The following DCLK1 variants were observed in gnomAD, a reference collection of about 807,000 sequenced individuals.
The protein encoded by DCLK1 is serine/threonine-protein kinase DCLK1.
DCLK1 carries 16 observed loss-of-function variants against 86.2 expected under a neutral mutation model. That is an observed-to-expected ratio of 0.19 (90% CI 0.13 to 0.28). DCLK1 has a LOEUF of 0.28. Among genes scored for constraint, DCLK1 ranks in the 10% least tolerant of loss-of-function variants. The pLI is 1.00. For synonymous variants in DCLK1, 369 were observed against 370.5 expected (o/e 1.00, Z 0.05); for missense variants, 590 against 940.2 (o/e 0.63, Z 4.87).
At chr13:36,098,966 T>A (rs531339899) in intron 3 of DCLK1, among the ~76,000 whole-genome samples, 4 of 145,972 alleles carry the variant, frequency 2.7e-5, no homozygotes, top group African/African-American at 7.6e-5. Context: ...TTTAATATTA[T>A]TTGGATTTTT....
chr13:35,973,898 A>T (rs979737248), intron 3 of DCLK1, among the ~76,000 whole-genome samples: 1 of 151,836 alleles, frequency 6.6e-6, no homozygotes, highest in Non-Finnish European at 1.5e-5. Context: ...GGACAGAGAA[A>T]CCCCCCTTTC....
intron 3 of DCLK1, among the ~76,000 whole-genome samples, chr13:35,956,460 T>G (rs149391289): frequency 4.3e-4 from 65 of 152,294 alleles, no homozygotes; most frequent in Admixed American, 2.6e-3. Flanking sequence ...AATAAAACTA[T>G]GAAGAGAAAC....
chr13:36,123,471 C>T (rs903979489), intron 2 of DCLK1, among the ~76,000 whole-genome samples: 1 of 152,094 alleles, frequency 6.6e-6, no homozygotes, highest in Non-Finnish European at 1.5e-5. Flanking sequence ...CATTTTTAAA[C>T]ATCAGAATAT....
intron 11 of DCLK1, among the ~76,000 whole-genome samples, chr13:35,811,202 A>G (rs937860014): frequency 5.3e-5 from 8 of 152,210 alleles, no homozygotes; most frequent in African/African-American, 1.9e-4. Flanking sequence ...ATTATAGTAC[A>G]TTCATACAAC....
intron 3 of DCLK1, among the ~76,000 whole-genome samples, chr13:36,085,288 T>C (rs1268316545): frequency 6.6e-6 from 1 of 152,170 alleles, no homozygotes; most frequent in Admixed American, 6.5e-5. Context: ...AATGGACCCT[T>C]TGTAGATTCC....
At chr13:36,118,805 C>T (rs1885881120) in intron 2 of DCLK1, among the ~76,000 whole-genome samples, 1 of 152,142 alleles carries the variant, frequency 6.6e-6, no homozygotes, top group Admixed American at 6.6e-5. Flanking sequence ...TCTCACTGTT[C>T]TGGAGGCTGG....
intron 3 of DCLK1, among the ~76,000 whole-genome samples, chr13:36,096,918 A>G (rs1885039681): frequency 6.6e-6 from 1 of 152,200 alleles, no homozygotes; most frequent in Non-Finnish European, 1.5e-5. Context: ...GAGTGAGCTC[A>G]GAAATGCCGT....
chr13:35,892,342 A>G (rs1288363085), intron 4 of DCLK1, among the ~76,000 whole-genome samples: 1 of 152,186 alleles, frequency 6.6e-6, no homozygotes, highest in Admixed American at 6.5e-5. Context: ...TAATCACTAC[A>G]TTATTAACCC....
intron 6 of DCLK1, 72 bp from the exon 7 acceptor site, chr13:35,839,248 C>G: frequency 7.4e-7 from 1 of 1,350,048 alleles, no homozygotes; most frequent in South Asian, 1.3e-5. Flanking sequence ...CCATGCCCAG[C>G]CCGGAATCTC....
At chr13:36,090,524 C>T (rs574899183) in intron 3 of DCLK1, among the ~76,000 whole-genome samples, 6 of 152,116 alleles carry the variant, frequency 3.9e-5, no homozygotes, top group African/African-American at 7.2e-5. Context: ...GGATTTTACA[C>T]GCCACGCTGG....
chr13:35,793,856 T>C (rs531591636), intron 15 of DCLK1, among the ~76,000 whole-genome samples: 10 of 152,346 alleles, frequency 6.6e-5, no homozygotes, highest in African/African-American at 2.4e-4. Flanking sequence ...TTTTTAATTT[T>C]TTTTTCCTCT....
intron 5 of DCLK1, among the ~76,000 whole-genome samples, chr13:35,861,877 C>CA (rs1389708604): frequency 3.3e-5 from 5 of 150,028 alleles, no homozygotes; most frequent in Middle Eastern, 3.4e-3. Context: ...AAAAAAAATA[C>CA]AAAAAATTAG....
At chr13:36,033,931 G>A (rs1263897153) in intron 3 of DCLK1, among the ~76,000 whole-genome samples, 2 of 152,132 alleles carry the variant, frequency 1.3e-5, no homozygotes, top group Admixed American at 6.6e-5. Flanking sequence ...TATCATATAT[G>A]AAGCATTTTG....
intron 6 of DCLK1, chr13:35,846,333 CA>C (rs1870174640): frequency 1.0e-6 from 1 of 985,168 alleles, no homozygotes; most frequent in African/African-American, 1.7e-5. Context: ...ATCAACTCCT[CA>C]AAAACACATC....
intron 3 of DCLK1, among the ~76,000 whole-genome samples, chr13:35,954,801 T>C (rs1404177043): frequency 6.6e-6 from 1 of 152,086 alleles, no homozygotes; most frequent in African/African-American, 2.4e-5. Context: ...CTCAAAGTAC[T>C]CTTTACAAGT....
chr13:35,907,259 C>T (rs1445249983), intron 4 of DCLK1, among the ~76,000 whole-genome samples: 2 of 152,196 alleles, frequency 1.3e-5, no homozygotes, highest in African/African-American at 2.4e-5. Flanking sequence ...ACCTCTCGGA[C>T]TCAAGTGAGC....
chr13:35,802,354 A>G (rs950929689), intron 15 of DCLK1, among the ~76,000 whole-genome samples: 2 of 151,684 alleles, frequency 1.3e-5, no homozygotes, highest in Admixed American at 1.3e-4. Context: ...AAAAAGTAAA[A>G]TGATTATTTG....
chr13:35,976,525 G>GTTTTTTTTTTTTTTT lies in DCLK1; in HGVS notation c.724-29083_724-29069dup, dbSNP rs11294824. 1.2e-3 allele frequency among the ~76,000 whole-genome samples: 66 copies of GTTTTTTTTTTTTTTT among 56,372 alleles called. 10 individuals are homozygous for GTTTTTTTTTTTTTTT. Among genetic ancestry groups the GTTTTTTTTTTTTTTT allele is most frequent in the South Asian group, 2.5e-3 (3 of 1,184 alleles). The allele number at this position is 56,372 out of a possible 152,430, so 37.0% of individuals were successfully genotyped here. A position where few individuals can be genotyped will look rare whatever the true frequency, so the allele number is the denominator to read the frequency against. The stretch of plus-strand genomic sequence containing the variant: ...CTCCCAGCACTTCAGCTTCTCCGAG[G>GTTTTTTTTTTTTTTT]TTTTTTTTTTTTTTTTTTTTTTTGA... On this transcript the variant is annotated intron_variant, in intron 3 of 16. Coordinates refer to ENST00000360631, the MANE Select transcript of DCLK1 (RefSeq NM_001330071.2).
intron 4 of DCLK1, among the ~76,000 whole-genome samples, chr13:35,937,252 C>T (rs975160261): frequency 1.3e-5 from 2 of 151,980 alleles, no homozygotes; most frequent in Admixed American, 6.6e-5. Context: ...GGATTGCAGG[C>T]GTGAGCCACC....
Sources: gnomAD v4.1 joint callset for allele counts (sites outside exome capture counted in the v4.1 genomes callset) on GRCh38, gnomAD v4.1.1 for gene constraint, MANE v1.5 for transcripts, NCBI Gene and HGNC (gene_info 2026-07-23, HGNC 2026-07-21) for gene names.